The following RAB31 variants were observed in gnomAD, a reference collection of about 807,000 sequenced individuals.
RAB31 encodes RAB31, member RAS oncogene family, also known as ras-related protein Rab-31.
In RAB31, 21 loss-of-function variants were observed where a neutral mutation model predicts 25.6. That is an observed-to-expected ratio of 0.82 (90% CI 0.58 to 1.18). The LOEUF is 1.18. RAB31 is among the 50% of genes most tolerant of loss of function. The pLI is 0.00. For synonymous variants in RAB31, 87 were observed against 84.0 expected, an observed-to-expected ratio of 1.04 and a Z score of -0.20; for missense variants, 196 against 250.1, an observed-to-expected ratio of 0.78 and a Z score of 1.46.
intron 2 of RAB31, among the ~76,000 whole-genome samples, chr18:9,783,089 T>A (rs1040863345): frequency 6.6e-6 from 1 of 152,056 alleles, no homozygotes; most frequent in Non-Finnish European, 1.5e-5. Context: ...CAGAGGGATA[T>A]GTGTGTGTGT....
chr18:9,789,216 A>G (rs560379563), intron 2 of RAB31, among the ~76,000 whole-genome samples: 5 of 152,346 alleles, frequency 3.3e-5, no homozygotes, highest in African/African-American at 1.2e-4. Context: ...TGTAGTTATT[A>G]GAAGCTGGGA....
At chr18:9,771,698 C>G (rs558812856) in intron 1 of RAB31, among the ~76,000 whole-genome samples, 1 of 152,184 alleles carries the variant, frequency 6.6e-6, no homozygotes, top group Admixed American at 6.5e-5. Flanking sequence ...CAGCAGTCGC[C>G]CCTGGAGGTC....
At chr18:9,783,069 A>G (rs545189802) in intron 2 of RAB31, among the ~76,000 whole-genome samples, 10 of 152,256 alleles carry the variant, frequency 6.6e-5, no homozygotes, top group Admixed American at 3.3e-4. Flanking sequence ...GTGGCGAGAG[A>G]TCAGGAACAC....
chr18:9,755,876 C>T (rs143125632), intron 1 of RAB31, among the ~76,000 whole-genome samples: 6 of 152,310 alleles, frequency 3.9e-5, no homozygotes, highest in Admixed American at 3.3e-4. Context: ...TGCAATGTGG[C>T]GTGGATTCTT....
chr18:9,738,047 C>T (rs1438340313), intron 1 of RAB31, among the ~76,000 whole-genome samples: 3 of 152,130 alleles, frequency 2.0e-5, no homozygotes, highest in Non-Finnish European at 2.9e-5. Context: ...AATGGGTGAG[C>T]GTGGATGCAG....
At chr18:9,758,774 A>G (rs964378168) in intron 1 of RAB31, among the ~76,000 whole-genome samples, 1 of 152,034 alleles carries the variant, frequency 6.6e-6, no homozygotes, top group Admixed American at 6.6e-5. Context: ...GCTGTGTGCG[A>G]GTGTGGCATG....
chr18:9,767,221 T>G (rs191931679), intron 1 of RAB31, among the ~76,000 whole-genome samples: 47 of 152,370 alleles, frequency 3.1e-4, no homozygotes, highest in African/African-American at 1.1e-3. Flanking sequence ...CTGAGAAGAA[T>G]GCACTCAAGG....
chr18:9,808,647 C>G (rs891884322), intron 3 of RAB31, among the ~76,000 whole-genome samples: 2 of 152,246 alleles, frequency 1.3e-5, no homozygotes, highest in African/African-American at 4.8e-5. Flanking sequence ...CTCTTTTTGG[C>G]ATCTGCCCTT....
At chr18:9,818,563 C>A (rs1412820386) in intron 5 of RAB31, among the ~76,000 whole-genome samples, 1 of 152,126 alleles carries the variant, frequency 6.6e-6, no homozygotes, top group Non-Finnish European at 1.5e-5. Flanking sequence ...TATGGATATA[C>A]CACATTTTTA....
At chr18:9,781,193 A>G (rs2068402397) in intron 2 of RAB31, among the ~76,000 whole-genome samples, 1 of 152,168 alleles carries the variant, frequency 6.6e-6, no homozygotes. Flanking sequence ...AAATTGTAAA[A>G]GTTTGTATGA....
At chr18:9,838,382 G>A (rs2068715573) in intron 5 of RAB31, among the ~76,000 whole-genome samples, 1 of 152,208 alleles carries the variant, frequency 6.6e-6, no homozygotes, top group African/African-American at 2.4e-5. Context: ...GCAGACTGGT[G>A]TGGAGGTGGA....
At chr18:9,849,679 G>T (rs1244586502) in intron 6 of RAB31, 1 of 152,428 alleles carries the variant, frequency 6.6e-6, no homozygotes, top group Non-Finnish European at 1.5e-5. Flanking sequence ...CGAGGGAGTG[G>T]CTTTAGATTG....
At chr18:9,827,107 C>T (rs769802472) in intron 5 of RAB31, among the ~76,000 whole-genome samples, 7 of 152,062 alleles carry the variant, frequency 4.6e-5, no homozygotes, top group Non-Finnish European at 7.4e-5. Flanking sequence ...TCCCCTTTGA[C>T]TCTTCCCAAT....
intron 1 of RAB31, among the ~76,000 whole-genome samples, chr18:9,752,991 A>G (rs140152983): frequency 3.9e-4 from 59 of 152,352 alleles, no homozygotes; most frequent in African/African-American, 1.3e-3. Flanking sequence ...ATCTTAAGAT[A>G]TGTACAGTGG....
At chr18:9,832,201 A>G (rs1193421440) in intron 5 of RAB31, among the ~76,000 whole-genome samples, 1 of 152,210 alleles carries the variant, frequency 6.6e-6, no homozygotes. Flanking sequence ...GGCCAGGGCC[A>G]AGATGCAGCC....
At chr18:9,840,460 G>A (rs571525822) in intron 5 of RAB31, among the ~76,000 whole-genome samples, 4 of 152,300 alleles carry the variant, frequency 2.6e-5, no homozygotes, top group Middle Eastern at 3.4e-3. Flanking sequence ...CAGCCTTTCT[G>A]CATCATGGGT....
In RAB31 at chr18:9,766,997, G is replaced by T. The variant is rs998324270; in HGVS notation, c.40-8281G>T. Among the ~76,000 whole-genome samples, 1 of 152,036 alleles carries T rather than the reference G, an allele frequency of 6.6e-6. No homozygotes were observed. The highest frequency in any genetic ancestry group is 6.6e-5 in the Admixed American group (1 of 15,252). On this transcript the variant is annotated intron_variant, in intron 1 of 6. Transcript: ENST00000578921. This position sits in a 1 kb window ranked among gnomAD's most constrained non-coding sequence, Gnocchi z 4.3. ...AACCCCAAACCAAAACAAACAAAAA[G>T]AAGTATGTAAGCCTTAAAGTCTAAA...
intron 1 of RAB31, among the ~76,000 whole-genome samples, chr18:9,768,038 AG>A (rs2068325198): frequency 6.6e-6 from 1 of 152,162 alleles, no homozygotes; most frequent in Admixed American, 6.5e-5. Context: ...GTCCCTGCAA[AG>A]GACATGAACT....
rs138152778 is a variant in RAB31 at position 9,733,823 on chromosome 18, C to G, written c.39+25379C>G. Reference sequence around the variant, plus strand: ...CTCAGAGACATTGTACCGTTGTTTTCTAGTGATCCTTGAAATTTGATGCAG... The same window carrying G: ...CTCAGAGACATTGTACCGTTGTTTTGTAGTGATCCTTGAAATTTGATGCAG... On this transcript the variant is annotated intron_variant, in intron 1 of 6. Coordinates refer to ENST00000578921, the MANE Select transcript of RAB31 (RefSeq NM_006868.4). Among the ~76,000 whole-genome samples, 324 of 151,922 alleles carry G rather than the reference C, an allele frequency of 2.1e-3. 6 individuals are homozygous for G. Among genetic ancestry groups the G allele is most frequent in the African/African-American group, 7.5e-3 (312 of 41,394 alleles).
Sources: gnomAD v4.1 joint callset for allele counts (sites outside exome capture counted in the v4.1 genomes callset) on GRCh38, gnomAD v4.1.1 for gene constraint, Gnocchi (gnomAD v3.1) non-coding constraint, MANE v1.5 for transcripts, NCBI Gene and HGNC (gene_info 2026-07-23, HGNC 2026-07-21) for gene names.